AGBL1: variants seen among roughly 807,000 people sequenced by gnomAD.
AGBL1 encodes cytosolic carboxypeptidase 4.
Under a neutral mutation model 118.9 loss-of-function variants are expected in AGBL1, and 130 were observed. The ratio of observed to expected loss-of-function variants is 1.09; its 90% CI spans 0.95 to 1.26. The LOEUF (loss-of-function observed/expected upper bound fraction) is 1.26. Ranked by LOEUF, AGBL1 falls within the 50% of genes most tolerant of loss-of-function variation. The pLI, the probability that AGBL1 is intolerant of heterozygous loss-of-function variation, is 0.00. For missense variants in AGBL1, 1,584 were observed against 1,298.1 expected, an observed-to-expected ratio of 1.22 and a Z score of -3.38; for synonymous variants, 555 against 478.9, an observed-to-expected ratio of 1.16 and a Z score of -2.08.
chr15:86,450,864 A>G (rs2082184266), intron 18 of AGBL1, among the ~76,000 whole-genome samples: 1 of 152,112 alleles, frequency 6.6e-6, no homozygotes, highest in Non-Finnish European at 1.5e-5. Flanking sequence ...ATAATATTTT[A>G]TTTATCTTCA....
At chr15:86,808,265 T>C (rs967263109) in intron 22 of AGBL1, among the ~76,000 whole-genome samples, 1 of 152,202 alleles carries the variant, frequency 6.6e-6, no homozygotes, top group African/African-American at 2.4e-5. Context: ...TTCTCCATGC[T>C]ACCCGTGCCT....
At chr15:86,372,671 C>T (rs533692284) in intron 17 of AGBL1, among the ~76,000 whole-genome samples, 28 of 152,318 alleles carry the variant, frequency 1.8e-4, no homozygotes, top group African/African-American at 6.3e-4. Flanking sequence ...TCCTGGCTAC[C>T]TCTACAATGT....
At chr15:86,467,109 T>C (rs911755709) in intron 18 of AGBL1, among the ~76,000 whole-genome samples, 4 of 151,870 alleles carry the variant, frequency 2.6e-5, no homozygotes, top group African/African-American at 9.7e-5. Context: ...CCCAGGGAGG[T>C]GGGAGTTTTG....
intron 18 of AGBL1, among the ~76,000 whole-genome samples, chr15:86,449,138 A>T (rs1171584227): frequency 6.6e-6 from 1 of 152,232 alleles, no homozygotes; most frequent in Non-Finnish European, 1.5e-5. Flanking sequence ...CAAAAGGAAG[A>T]AATGGAACTC....
downstream of AGBL1, among the ~76,000 whole-genome samples, chr15:86,918,745 T>C (rs1287659814): frequency 2.0e-5 from 3 of 152,194 alleles, no homozygotes; most frequent in South Asian, 2.1e-4. Context: ...GTATGGGAAA[T>C]ACGTGAAGCA....
chr15:86,211,175 AGCAAATATT>A (rs1236881538), intron 5 of AGBL1, among the ~76,000 whole-genome samples: 18 of 152,206 alleles, frequency 1.2e-4, no homozygotes, highest in African/African-American at 4.3e-4. Context: ...ATTGCATTAC[AGCAAATATT>A]GCTGCCTGTT....
intron 18 of AGBL1, among the ~76,000 whole-genome samples, chr15:86,458,137 G>A (rs1043741015): frequency 1.3e-5 from 2 of 151,968 alleles, no homozygotes; most frequent in Non-Finnish European, 2.9e-5. Flanking sequence ...GCTTAAATGA[G>A]GTCAACTACT....
chr15:86,921,429 T>C (rs1268320752), intron 23 of AGBL1, among the ~76,000 whole-genome samples: 1 of 152,244 alleles, frequency 6.6e-6, no homozygotes, highest in Admixed American at 6.5e-5. Flanking sequence ...CGTTAAGATG[T>C]AATTTTTAGT....
At chr15:86,244,657 C>A (rs1398197854) in intron 6 of AGBL1, among the ~76,000 whole-genome samples, 2 of 151,928 alleles carry the variant, frequency 1.3e-5, no homozygotes, top group East Asian at 3.9e-4. Context: ...GATTTTTTTT[C>A]ATTATCTTTC....
At chr15:86,975,297 C>T (rs2081163560) in intron 23 of AGBL1, among the ~76,000 whole-genome samples, 1 of 152,014 alleles carries the variant, frequency 6.6e-6, no homozygotes, top group African/African-American at 2.4e-5. Context: ...GGAGCAAAAT[C>T]ACTTCTTACG....
chr15:86,128,597 C>T (rs182417588), intron 1 of AGBL1, among the ~76,000 whole-genome samples: 21 of 152,344 alleles, frequency 1.4e-4, no homozygotes, highest in African/African-American at 3.6e-4. Flanking sequence ...GGTGACACCT[C>T]GTTCCTTCCA....
intron 5 of AGBL1, among the ~76,000 whole-genome samples, chr15:86,203,342 C>G (rs1038967966): frequency 6.6e-6 from 1 of 152,124 alleles, no homozygotes; most frequent in African/African-American, 2.4e-5. Context: ...GCTACCCTAC[C>G]AAAAATATAT....
chr15:86,722,156 C>CTT (rs2086733406), intron 22 of AGBL1, among the ~76,000 whole-genome samples: 1 of 152,108 alleles, frequency 6.6e-6, no homozygotes, highest in Non-Finnish European at 1.5e-5. Flanking sequence ...GAAAAAACTA[C>CTT]TTTAAAGTTC....
intron 17 of AGBL1, among the ~76,000 whole-genome samples, chr15:86,377,113 G>A (rs34008846): frequency 0.21 from 31,837 of 152,080 alleles, 4,189 homozygotes; most frequent in East Asian, 0.61. Flanking sequence ...GAACCACCAC[G>A]GACCCAGTCC....
intron 21 of AGBL1, among the ~76,000 whole-genome samples, chr15:86,640,126 A>C (rs1479684813): frequency 6.6e-6 from 1 of 152,172 alleles, no homozygotes; most frequent in Non-Finnish European, 1.5e-5. Flanking sequence ...ATCCTCTAGC[A>C]CATCTTTTAT....
chr15:86,289,528 GCC>G (rs1410321206), intron 16 of AGBL1, among the ~76,000 whole-genome samples: 1 of 152,048 alleles, frequency 6.6e-6, no homozygotes, highest in African/African-American at 2.4e-5. Context: ...GTTTTTATGT[GCC>G]TTTTAAAGAT....
chr15:86,672,377 C>T (rs1187347796), intron 21 of AGBL1, among the ~76,000 whole-genome samples: 1 of 152,172 alleles, frequency 6.6e-6, no homozygotes, highest in Non-Finnish European at 1.5e-5. Context: ...TGAAGGAACT[C>T]TCCCTAACCT....
chr15:86,278,840 A>C (rs1390858), intron 15 of AGBL1, among the ~76,000 whole-genome samples: 2 of 152,062 alleles, frequency 1.3e-5, no homozygotes, highest in African/African-American at 2.4e-5. Context: ...GACTTCTGGG[A>C]GCAATTTTCT....
At chr15:86,238,328 C>T (rs985303703) in intron 6 of AGBL1, among the ~76,000 whole-genome samples, 8 of 152,144 alleles carry the variant, frequency 5.3e-5, no homozygotes, top group East Asian at 3.8e-4. Context: ...ACTGGTATAT[C>T]GTAGTTGCTA....
Sources: gnomAD v4.1 joint callset for allele counts (sites outside exome capture counted in the v4.1 genomes callset) on GRCh38, gnomAD v4.1.1 for gene constraint, MANE v1.5 for transcripts, NCBI Gene and HGNC (gene_info 2026-07-23, HGNC 2026-07-21) for gene names.